ZNF628: variants seen among roughly 807,000 people sequenced by gnomAD.
ZNF628 encodes the protein zinc finger protein Zec.
In ZNF628, 3 loss-of-function variants were observed where a neutral mutation model predicts 2.5. The ratio of observed to expected loss-of-function variants is 1.19; its 90% CI spans 0.54 to 3.07. The LOEUF is 3.07. ZNF628 is among the 30% of genes most tolerant of loss of function. ZNF628 has a pLI of 0.03. For synonymous variants in ZNF628, 861 were observed against 717.1 expected, an observed-to-expected ratio of 1.20 and a Z score of -3.21; for missense variants, 1,610 against 1,517.1, an observed-to-expected ratio of 1.06 and a Z score of -1.02.
At position 55,482,499 on chromosome 19, in the gene ZNF628, GCCGCCCCCGTCCCGCCGCCACCCCCGT is replaced by G; in HGVS notation, c.1316_1342del (p.Val439_Pro447del). On this transcript the variant is annotated inframe_deletion, in exon 3 of 3. Transcript: ENST00000598519. ...CTGCCCCCAGGAACCGCTGGCGCCTGCCGCCCCCGTCCCGCCGCCACCCCCGTCCGCCCCCGCTTCTGCGGAGCGGCC... is the reference window on the plus strand; with the variant it reads ...CTGCCCCCAGGAACCGCTGGCGCCTGCCGCCCCCGCTTCTGCGGAGCGGCC... The G allele has an allele frequency of 6.9e-7, 1 of 1,448,282 alleles. No homozygotes were observed. The highest frequency in any genetic ancestry group is 2.5e-5 in the Admixed American group (1 of 39,558). 89.7% of individuals were successfully genotyped at this position (1,448,282 alleles called of 1,614,324 possible). A position where few individuals can be genotyped will look rare whatever the true frequency, so the allele number is the denominator to read the frequency against.
chr19:55,484,425 C>T lies in ZNF628; in HGVS notation c.*52C>T, dbSNP rs575076296. ...CCGCACAGAGACCCCGACTCACTGC[C>T]AGCCGGGGCGGGGCAGGGTGCCGCA... On this transcript the variant is annotated 3_prime_UTR_variant, in exon 3 of 3. Transcript: ENST00000598519. 7.2e-7 allele frequency: 1 copy of T among 1,391,152 alleles called. No homozygotes were observed. 86.2% of individuals were successfully genotyped at this position (1,391,152 alleles called of 1,614,324 possible).
rs747118126 is a variant in ZNF628 at position 55,481,817 on chromosome 19, C to G, written c.624C>G (p.Leu208=). 2.5e-5 allele frequency: 40 copies of G among 1,599,292 alleles called. No homozygotes were observed. The highest frequency in any genetic ancestry group is 1.1e-4 in the East Asian group (5 of 44,038). The change falls in exon 3 of 3, where the codon CTC becomes CTG. Residue 208 remains leucine, a synonymous_variant. Transcript: ENST00000598519. ...HTGERPFRCP[L]CPKTFTHSSN... is the part of the protein sequence containing the mutation. ...GCGAGCGGCCCTTCCGCTGCCCGCT[C>G]TGCCCCAAGACCTTCACCCACTCCT...
At position 55,479,809 on chromosome 19, in the gene ZNF628, C is replaced by T. The variant is rs1986654748; in HGVS notation, c.-77-25C>T. ...CGTGGTCAGAATGTGAGAAACTTCG[C>T]GTCTGATTGCTTTTATTTTCACAGA... On this transcript the variant is annotated intron_variant, in intron 1 of 2. Coordinates refer to ENST00000598519, the MANE Select transcript of ZNF628 (RefSeq NM_033113.3). This position sits in a 1 kb window ranked among gnomAD's most constrained non-coding sequence, Gnocchi z 5.1. 2 of 398,106 alleles carry T rather than the reference C, an allele frequency of 5.0e-6. No individual in the cohort carries two copies. Among genetic ancestry groups the T allele is most frequent in the Non-Finnish European group, 4.4e-6 (1 of 225,660 alleles). The allele number at this position is 398,106 out of a possible 1,614,324, so 24.7% of individuals were successfully genotyped here.
rs1228678117 is a variant in ZNF628, at chr19:55,479,486, AG to A, written c.-77-346del. 3.3e-5 allele frequency among the ~76,000 whole-genome samples: 5 copies of A among 152,086 alleles called. No homozygotes were observed. ...TGCAGATGGGAACGTCCAGGAGAGG[AG>A]GAAAAGTGGAGGATGTGGGTGGGAA... On this transcript the variant is annotated intron_variant, in intron 1 of 2. Coordinates refer to ENST00000598519, the MANE Select transcript of ZNF628 (RefSeq NM_033113.3). The surrounding 1 kb of genome is among the most constrained non-coding windows in gnomAD (Gnocchi z 5.1).
In ZNF628 at chr19:55,482,134, A is replaced by G. The variant is rs1295539461; in HGVS notation, c.941A>G (p.Gln314Arg). 2.0e-6 allele frequency: 3 copies of G among 1,504,544 alleles called. No individual in the cohort carries two copies. The highest frequency in any genetic ancestry group is 2.9e-5 in the African/African-American group (2 of 68,968). 93.2% of individuals were successfully genotyped at this position (1,504,544 alleles called of 1,614,324 possible). Residue 314 changes from glutamine to arginine, a missense_variant, in exon 3 of 3, where the codon CAG becomes CGG. Transcript: ENST00000598519. Reference sequence around the variant, plus strand: ...AGCGAGGAGCTGCTCCTGGAGCACCAGCCGTGCCCCGGGCCCGATGCGGCG... The same window carrying G: ...AGCGAGGAGCTGCTCCTGGAGCACCGGCCGTGCCCCGGGCCCGATGCGGCG... ...FSSEELLLEH[Q>R]PCPGPDAAPQ... is the part of the protein sequence containing the mutation.
intron 2 of ZNF628, 34 bp from the exon 3 acceptor site, chr19:55,481,167 G>T: frequency 6.7e-7 from 1 of 1,489,520 alleles, no homozygotes. Context: ...ATCCAGTGCG[G>T]GGGTGAGCCG....
rs1986750935 is a variant in ZNF628, at chr19:55,482,477, C to T, written c.1284C>T (p.Cys428=). 2 of 1,434,790 alleles carry T rather than the reference C, an allele frequency of 1.4e-6. No individual in the cohort carries two copies. The highest frequency in any genetic ancestry group is 1.5e-5 in the African/African-American group (1 of 68,244). The allele number at this position is 1,434,790 out of a possible 1,614,324, so 88.9% of individuals were successfully genotyped here. A position where few individuals can be genotyped will look rare whatever the true frequency, so the allele number is the denominator to read the frequency against. Residue 428 remains cysteine (C), a synonymous_variant, in exon 3 of 3, where the codon TGC becomes TGT. Coordinates refer to ENST00000598519, the MANE Select transcript of ZNF628 (RefSeq NM_033113.3). The part of the protein sequence containing the change: ...PPQAEAAEVT[C]PQEPLAPAAP... ...AGGCTGAGGCTGCGGAGGTGACCTG[C>T]CCCCAGGAACCGCTGGCGCCTGCCG...
In ZNF628 at chr19:55,482,841, A is replaced by G. The variant is rs929748999; in HGVS notation, c.1648A>G (p.Thr550Ala). 25 of 1,602,076 alleles carry G rather than the reference A, an allele frequency of 1.6e-5. No homozygotes were observed. The highest frequency in any genetic ancestry group is 2.0e-5 in the Non-Finnish European group (24 of 1,172,058). Reference protein sequence around the residue: ...CGECGKAFRNTSCLRRHRHVH... With the variant: ...CGECGKAFRNASCLRRHRHVH... Reference sequence around the variant, plus strand: ...GGAGTGTGGCAAGGCCTTCCGCAACACGTCGTGCCTGCGTCGCCACCGCCA... The same window carrying G: ...GGAGTGTGGCAAGGCCTTCCGCAACGCGTCGTGCCTGCGTCGCCACCGCCA... The change falls in exon 3 of 3, where the codon ACG becomes GCG. Residue 550 changes from threonine to alanine, a missense_variant. By Grantham distance (58) the Thr-to-Ala change is moderately conservative (BLOSUM62 0). Around this residue, in one of 5 missense-constraint regions of ZNF628, gnomAD observed 651 missense variants for 575.6 expected, o/e 1.13. Transcript: ENST00000598519.
chr19:55,481,929 C>T lies in ZNF628; in HGVS notation c.736C>T (p.Pro246Ser). The T allele has an allele frequency of 1.4e-6, 2 of 1,476,796 alleles. No homozygotes were observed. The highest frequency in any genetic ancestry group is 1.8e-6 in the Non-Finnish European group (2 of 1,118,530). The allele number at this position is 1,476,796 out of a possible 1,614,324, so 91.5% of individuals were successfully genotyped here. A position where few individuals can be genotyped will look rare whatever the true frequency, so the allele number is the denominator to read the frequency against. Residue 246 changes from proline (P) to serine (S), a missense_variant, in exon 3 of 3, where the codon CCC (proline) becomes TCC (serine). Coordinates refer to ENST00000598519, the MANE Select transcript of ZNF628 (RefSeq NM_033113.3). ...GGCCCCGCCCCCCCAGTCCCGGGAGCCCGGCAAGGTCTTCGTGTGCGACGC... is the reference window on the plus strand; with the variant it reads ...GGCCCCGCCCCCCCAGTCCCGGGAGTCCGGCAAGGTCTTCGTGTGCGACGC... ...SAAPPPQSREPGKVFVCDAYL... is the reference protein window; with the variant it reads ...SAAPPPQSRESGKVFVCDAYL...
intron 2 of ZNF628, among the ~76,000 whole-genome samples, chr19:55,480,554 G>A (rs1397245111): frequency 1.3e-5 from 2 of 152,142 alleles, no homozygotes; most frequent in African/African-American, 4.8e-5. Context: ...CTGAGTAGCT[G>A]GGATTACAGG....
Position 55,483,691 on chromosome 19 carries a change from A to C in ZNF628, c.2498A>C (p.Gln833Pro). 1 of 1,613,552 alleles carries C rather than the reference A, an allele frequency of 6.2e-7. No homozygotes were observed. The highest frequency in any genetic ancestry group is 8.5e-7 in the Non-Finnish European group (1 of 1,179,826). ...CCAGCCCCAGAAGTAACCACGGTCC[A>C]GCTCCAGCCAGCGCAGGAGGTGACC... Reference protein sequence around the residue: ...LRPAPEVTTVQLQPAQEVTTV... With the variant: ...LRPAPEVTTVPLQPAQEVTTV... The change falls in exon 3 of 3, where the codon CAG becomes CCG. Residue 833 changes from glutamine to proline, a missense_variant. Physicochemically the swap from Gln to Pro is moderately conservative, Grantham distance 76. Coordinates refer to ENST00000598519, the MANE Select transcript of ZNF628 (RefSeq NM_033113.3).
chr19:55,483,091 T>C lies in ZNF628; in HGVS notation c.1898T>C (p.Met633Thr). The C allele has an allele frequency of 6.2e-7, 1 of 1,606,774 alleles. No individual in the cohort carries two copies. Among genetic ancestry groups the C allele is most frequent in the African/African-American group, 1.3e-5 (1 of 75,026 alleles). ...CCCATCTGCGGTCGCGGCTTCGTTA[T>C]GGCCGCCTATCTGCAGCGGCACCTG... is the stretch of plus-strand genomic sequence containing the variant. ...TCPICGRGFV[M>T]AAYLQRHLRT... The change falls in exon 3 of 3, where the codon ATG becomes ACG. Residue 633 changes from methionine to threonine, a missense_variant. Coordinates refer to ENST00000598519, the MANE Select transcript of ZNF628 (RefSeq NM_033113.3).
Position 55,481,231 on chromosome 19 carries a change from C to A in ZNF628, c.38C>A (p.Ala13Glu). 1 of 1,569,772 alleles carries A rather than the reference C, an allele frequency of 6.4e-7. No individual in the cohort carries two copies. The highest frequency in any genetic ancestry group is 8.6e-7 in the Non-Finnish European group (1 of 1,160,990). The change falls in exon 3 of 3, where the codon GCG becomes GAG. Residue 13 changes from alanine to glutamate, a missense_variant. Ala to Glu is a moderately radical substitution (Grantham distance 107). This residue lies in a region of ZNF628 where 60 missense variants were observed against 46.8 expected (regional missense o/e 1.28). Transcript: ENST00000598519. ...GVMVGSHADMAPASTAEGAGE... is the reference protein window; with the variant it reads ...GVMVGSHADMEPASTAEGAGE... Reference sequence around the variant, plus strand: ...ATGGTCGGCTCCCACGCGGACATGGCGCCGGCCTCTACTGCGGAGGGGGCC... The same window carrying A: ...ATGGTCGGCTCCCACGCGGACATGGAGCCGGCCTCTACTGCGGAGGGGGCC...
In ZNF628 at chr19:55,481,273, C is replaced by T. The variant is rs1366749567; in HGVS notation, c.80C>T (p.Pro27Leu). Residue 27 changes from proline to leucine, a missense_variant, in exon 3 of 3, where the codon CCT becomes CTT. Transcript: ENST00000598519. ...GAGGGGGCCGGGGAGAAGCCAGGCC[C>T]TGCGGCCCCTGCCCCGGCGGCCCAG... ...TAEGAGEKPG[P>L]AAPAPAAQYE... 3.8e-6 allele frequency: 6 copies of T among 1,594,998 alleles called. No individual in the cohort carries two copies. The highest frequency in any genetic ancestry group is 1.3e-5 in the African/African-American group (1 of 74,478).
At position 55,481,657 on chromosome 19, in the gene ZNF628, A is replaced by C. The variant is rs1986704367; in HGVS notation, c.464A>C (p.Lys155Thr). ...ERPYPCPDCP[K>T]AFKNSSSLRR... ...CCCTACCCGTGCCCGGACTGCCCCA[A>C]GGCCTTCAAGAACTCGTCCAGCCTG... The change falls in exon 3 of 3, where the codon AAG (lysine) becomes ACG (threonine). Residue 155 changes from lysine to threonine, a missense_variant. Physicochemically the swap from Lys to Thr is moderately conservative, Grantham distance 78. This residue lies in a region of ZNF628 where 166 missense variants were observed against 241.3 expected (regional missense o/e 0.69). Coordinates refer to ENST00000598519, the MANE Select transcript of ZNF628 (RefSeq NM_033113.3). 2 of 1,609,990 alleles carry C rather than the reference A, an allele frequency of 1.2e-6. No individual in the cohort carries two copies. Among genetic ancestry groups the C allele is most frequent in the Non-Finnish European group, 8.5e-7 (1 of 1,177,512 alleles).
chr19:55,483,865 T>C lies in ZNF628; in HGVS notation c.2672T>C (p.Val891Ala), dbSNP rs1453704687. Reference sequence around the variant, plus strand: ...GCTACTGAGGCACCCAACCTGCTGGTTGTTCAGAGCGGGGCAGCTGAGGAG... The same window carrying C: ...GCTACTGAGGCACCCAACCTGCTGGCTGTTCAGAGCGGGGCAGCTGAGGAG... ...AVATEAPNLLVVQSGAAEELL... is the reference protein window; with the variant it reads ...AVATEAPNLLAVQSGAAEELL... The change falls in exon 3 of 3, where the codon GTT becomes GCT. Residue 891 changes from valine to alanine, a missense_variant. Transcript: ENST00000598519. 6.2e-7 allele frequency: 1 copy of C among 1,611,318 alleles called. No individual in the cohort carries two copies. Among genetic ancestry groups the C allele is most frequent in the East Asian group, 2.2e-5 (1 of 44,806 alleles).
chr19:55,483,360 C>A lies in ZNF628; in HGVS notation c.2167C>A (p.Leu723Met). The A allele has an allele frequency of 6.5e-7, 1 of 1,541,706 alleles. No individual in the cohort carries two copies. Among genetic ancestry groups the A allele is most frequent in the Non-Finnish European group, 8.7e-7 (1 of 1,145,694 alleles). ...LLVQTAQGLQ[L>M]IPSSVQPPTP... Reference sequence around the variant, plus strand: ...GGTGCAAACTGCCCAGGGCCTCCAGCTGATCCCCAGCAGCGTGCAGCCCCC... The same window carrying A: ...GGTGCAAACTGCCCAGGGCCTCCAGATGATCCCCAGCAGCGTGCAGCCCCC... The change falls in exon 3 of 3, where the codon CTG (leucine) becomes ATG (methionine). Residue 723 changes from leucine (L) to methionine (M), a missense_variant. Coordinates refer to ENST00000598519, the MANE Select transcript of ZNF628 (RefSeq NM_033113.3).
Position 55,483,071 on chromosome 19 carries a change from C to G in ZNF628, c.1878C>G (p.Ile626Met). 1.2e-6 allele frequency: 2 copies of G among 1,610,190 alleles called. No homozygotes were observed. The highest frequency in any genetic ancestry group is 8.5e-7 in the Non-Finnish European group (1 of 1,179,412). The change falls in exon 3 of 3, where the codon ATC becomes ATG. Residue 626 changes from isoleucine to methionine, a missense_variant. Ile to Met is a conservative substitution (Grantham distance 10). Coordinates refer to ENST00000598519, the MANE Select transcript of ZNF628 (RefSeq NM_033113.3). ...HSAERPFTCP[I>M]CGRGFVMAAY... ...CGGAGCGCCCCTTCACCTGCCCCAT[C>G]TGCGGTCGCGGCTTCGTTATGGCCG...
chr19:55,483,353 C>T lies in ZNF628; in HGVS notation c.2160C>T (p.Gly720=). The T allele has an allele frequency of 1.9e-6, 3 of 1,541,176 alleles. No individual in the cohort carries two copies. The highest frequency in any genetic ancestry group is 2.6e-6 in the Non-Finnish European group (3 of 1,145,484). Residue 720 remains glycine (G), a synonymous_variant, in exon 3 of 3, where the codon GGC becomes GGT. Transcript: ENST00000598519. The part of the protein sequence containing the change: ...QTFLLVQTAQ[G]LQLIPSSVQP... The stretch of plus-strand genomic sequence containing the variant: ...TCCTCCTGGTGCAAACTGCCCAGGG[C>T]CTCCAGCTGATCCCCAGCAGCGTGC...
Sources: allele counts gnomAD v4.1 joint callset (sites outside exome capture counted in the v4.1 genomes callset), GRCh38; gene constraint gnomAD v4.1.1; regional missense constraint gnomAD v4.1.1; non-coding constraint Gnocchi (gnomAD v3.1); transcripts MANE v1.5; gene names NCBI Gene and HGNC (gene_info 2026-07-23, HGNC 2026-07-21).